Variants in PDXK observed in about 807,000 individuals in gnomAD.
PDXK encodes pyridoxal kinase.
PDXK carries 15 observed loss-of-function variants against 43.2 expected under a neutral mutation model. That is an observed-to-expected ratio of 0.35 (90% CI 0.23 to 0.53). The LOEUF (loss-of-function observed/expected upper bound fraction) is 0.53. Among genes scored for constraint, PDXK ranks in the 20% least tolerant of loss-of-function variants. The pLI is 0.92. For missense variants in PDXK, 343 were observed against 417.0 expected (o/e 0.82, Z 1.54); for synonymous variants, 172 against 165.4 (o/e 1.04, Z -0.31).
intron 1 of PDXK, 146 bp downstream of exon 1, chr21:43,719,527 G>A: frequency 5.2e-6 from 7 of 1,342,196 alleles, no homozygotes; most frequent in Middle Eastern, 2.7e-4. Context: ...GGCGCGGGAT[G>A]AGCCTCCCGC....
Position 43,761,019 on chromosome 21 carries a change from A to C in PDXK, c.*4956A>C, listed in dbSNP as rs1412052735. On this transcript the variant is annotated 3_prime_UTR_variant, in exon 11 of 11. Transcript: ENST00000291565. ...TTAAAACAGTTTAATGAGTAAGTTT[A>C]GATGACTGGTCAATATCTTAAAAAT... The C allele has an allele frequency of 6.6e-6, 1 of 152,258 alleles. No homozygotes were observed. Among genetic ancestry groups the C allele is most frequent in the African/African-American group, 2.4e-5 (1 of 41,478 alleles). The allele number at this position is 152,258 out of a possible 1,614,324, so 9.4% of individuals were successfully genotyped here. A position where few individuals can be genotyped will look rare whatever the true frequency, so the allele number is the denominator to read the frequency against.
intron 2 of PDXK, chr21:43,740,915 A>AT: frequency 6.6e-6 from 1 of 150,772 alleles, no homozygotes; most frequent in South Asian, 2.1e-4. Flanking sequence ...GTGGCCGAGC[A>AT]CCCCGGCCTG....
chr21:43,729,611 G>C (rs1380459215), intron 1 of PDXK, among the ~76,000 whole-genome samples: 3 of 152,128 alleles, frequency 2.0e-5, no homozygotes, highest in African/African-American at 4.8e-5. Context: ...TGGAGGTGCG[G>C]GTGGGGAATG....
In PDXK at chr21:43,760,637, T is replaced by C. The variant is rs1053885173; in HGVS notation, c.*4574T>C. On this transcript the variant is annotated 3_prime_UTR_variant, in exon 11 of 11. Coordinates refer to ENST00000291565, the MANE Select transcript of PDXK (RefSeq NM_003681.5). ...GTGAGCCATCCTTCTAGGGGACTTT[T>C]TTCAGTGTGCGACTCGTCTCTGTTA... 6.6e-6 allele frequency: 1 copy of C among 152,248 alleles called. No homozygotes were observed. Among genetic ancestry groups the C allele is most frequent in the African/African-American group, 2.4e-5 (1 of 41,460 alleles). 9.4% of individuals were successfully genotyped at this position (152,248 alleles called of 1,614,324 possible).
At chr21:43,749,293 C>CG (rs1214995503) in intron 6 of PDXK, among the ~76,000 whole-genome samples, 1 of 152,102 alleles carries the variant, frequency 6.6e-6, no homozygotes, top group African/African-American at 2.4e-5. Flanking sequence ...TTAGTAGTGA[C>CG]GGGGTTTCAC....
intron 1 of PDXK, chr21:43,733,749 T>C (rs2083358090): frequency 2.1e-6 from 2 of 967,468 alleles, no homozygotes; most frequent in Non-Finnish European, 2.8e-6. Context: ...ATTGAGTGCT[T>C]TCGCTGGGTG....
intron 2 of PDXK, among the ~76,000 whole-genome samples, chr21:43,736,403 C>T (rs966086758): frequency 2.0e-5 from 3 of 152,134 alleles, no homozygotes; most frequent in Admixed American, 1.3e-4. Flanking sequence ...CCTGTGTGAC[C>T]GGCCACGTGA....
In PDXK at chr21:43,732,323, G is replaced by GC. The variant is rs536525143; in HGVS notation, c.88-1740dup. 6.5e-4 allele frequency: 1,045 copies of GC among 1,603,686 alleles called. 3 individuals carry two copies. Among genetic ancestry groups the GC allele is most frequent in the South Asian group, 2.1e-3 (186 of 90,288 alleles). On this transcript the variant is annotated intron_variant, in intron 1 of 10. Coordinates refer to ENST00000291565, the MANE Select transcript of PDXK (RefSeq NM_003681.5). The surrounding 1 kb of genome is among the most constrained non-coding windows in gnomAD (Gnocchi z 4.1). Reference sequence around the variant, plus strand: ...CTCCCGTCCTGGACCTTGGCACCCCGCCCCCCGTGCATTGTCGTCTTCTGA... The same window carrying GC: ...CTCCCGTCCTGGACCTTGGCACCCCGCCCCCCCGTGCATTGTCGTCTTCTGA...
At chr21:43,731,317 A>G (rs2083314724) in intron 1 of PDXK, among the ~76,000 whole-genome samples, 1 of 152,182 alleles carries the variant, frequency 6.6e-6, no homozygotes, top group South Asian at 2.1e-4. Context: ...TGAAGGGCTC[A>G]TGTCATTCAA....
intron 5 of PDXK, 116 bp downstream of exon 5, chr21:43,746,241 G>A: frequency 3.6e-6 from 3 of 830,336 alleles, no homozygotes; most frequent in South Asian, 2.8e-5. Flanking sequence ...TCTGTCCAGG[G>A]GTAAAAAGAC....
At chr21:43,728,687 C>T in intron 1 of PDXK, 1 of 984,708 alleles carries the variant, frequency 1.0e-6, no homozygotes, top group Non-Finnish European at 1.2e-6. Flanking sequence ...GGCAGCCACT[C>T]CCGCACGTGG....
Position 43,732,262 on chromosome 21 carries a change from G to A in PDXK, c.88-1807G>A. The A allele has an allele frequency of 6.6e-7, 1 of 1,505,334 alleles. No homozygotes were observed. Among genetic ancestry groups the A allele is most frequent in the Non-Finnish European group, 8.8e-7 (1 of 1,131,120 alleles). The allele number at this position is 1,505,334 out of a possible 1,614,324, so 93.2% of individuals were successfully genotyped here. On this transcript the variant is annotated intron_variant, in intron 1 of 10. Transcript: ENST00000291565. The surrounding 1 kb of genome is among the most constrained non-coding windows in gnomAD (Gnocchi z 4.1). ...GCTGGCTTCCAGCTGAAGGACATGT[G>A]TAACAGCAGGAGATACCTTTCTCTG...
At chr21:43,750,287 G>A (rs1239483057) in intron 6 of PDXK, among the ~76,000 whole-genome samples, 1 of 152,258 alleles carries the variant, frequency 6.6e-6, no homozygotes, top group Non-Finnish European at 1.5e-5. Context: ...GCCATGATTG[G>A]GCCTTACGTG....
At position 43,746,067 on chromosome 21, in the gene PDXK, G is replaced by A; in HGVS notation, c.332-12G>A. 6.2e-7 allele frequency: 1 copy of A among 1,610,648 alleles called. No individual in the cohort carries two copies. The highest frequency in any genetic ancestry group is 8.5e-7 in the Non-Finnish European group (1 of 1,176,760). On this transcript the variant is annotated splice_polypyrimidine_tract_variant and intron_variant, in intron 4 of 10. Transcript: ENST00000291565. ...TAGCCTTTGCTGATAAGATGCCCTT[G>A]TGTCTCTGCAGTGTGTGATCCAGTC...
chr21:43,755,291 G>A (rs1397128673), intron 9 of PDXK, among the ~76,000 whole-genome samples: 1 of 152,092 alleles, frequency 6.6e-6, no homozygotes, highest in East Asian at 1.9e-4. Context: ...ATCACTGAGT[G>A]ATGATTGGCT....
At chr21:43,733,253 A>AT (rs2083346022) in intron 1 of PDXK, among the ~76,000 whole-genome samples, 1 of 56,166 alleles carries the variant, frequency 1.8e-5, no homozygotes, top group Non-Finnish European at 3.4e-5. Context: ...CCCCATCCCC[A>AT]CCCCCCCCCC....
rs776182705 is a variant in PDXK at position 43,743,764 on chromosome 21, C to T, written c.288C>T (p.Asp96=). The change falls in exon 4 of 11, where the codon GAC becomes GAT. Residue 96 remains aspartate (D), a synonymous_variant. Coordinates refer to ENST00000291565, the MANE Select transcript of PDXK (RefSeq NM_003681.5). Reference sequence around the variant, plus strand: ...AGTCGTTCCTGGCCATGGTGGTGGACATTGTGCAGGAGCTGAAGCAGCAGA... The same window carrying T: ...AGTCGTTCCTGGCCATGGTGGTGGATATTGTGCAGGAGCTGAAGCAGCAGA... The part of the protein sequence containing the change: ...RDKSFLAMVV[D]IVQELKQQNP... 6.2e-7 allele frequency: 1 copy of T among 1,613,752 alleles called. No homozygotes were observed. The highest frequency in any genetic ancestry group is 8.5e-7 in the Non-Finnish European group (1 of 1,179,764).
rs545087353 is a variant in PDXK, at chr21:43,741,649, G to A, written c.143-18G>A. 9 of 1,607,114 alleles carry A rather than the reference G, an allele frequency of 5.6e-6. No individual in the cohort carries two copies. The highest frequency in any genetic ancestry group is 5.5e-5 in the South Asian group (5 of 90,870). ...GGCCCCCTTGTGTCTGAGCCCCCAT[G>A]GCTTCCTCTGCCTCTAGGCTATGCC... On this transcript the variant is annotated intron_variant, in intron 2 of 10. Transcript: ENST00000291565.
rs528647181 is a variant in PDXK, at chr21:43,722,976, C to T, written c.87+3595C>T. Among the ~76,000 whole-genome samples, 505 of 148,940 alleles carry T rather than the reference C, an allele frequency of 3.4e-3. 2 individuals carry two copies. The highest frequency in any genetic ancestry group is 7.5e-3 in the Middle Eastern group (2 of 268). On this transcript the variant is annotated intron_variant, in intron 1 of 10. Transcript: ENST00000291565. ...CCTTAGCCTCCTGAGTAGCTGGGAC[C>T]ACAGGCGCCCGCCACCACGCCTGGC...
Sources: allele counts gnomAD v4.1 joint callset (sites outside exome capture counted in the v4.1 genomes callset), GRCh38; gene constraint gnomAD v4.1.1; non-coding constraint Gnocchi (gnomAD v3.1); transcripts MANE v1.5; gene names NCBI Gene and HGNC (gene_info 2026-07-23, HGNC 2026-07-21).